KCTD16: variants seen among roughly 807,000 people sequenced by gnomAD.
KCTD16 encodes potassium channel tetramerization domain containing 16.
In KCTD16, 13 loss-of-function variants were observed where a neutral mutation model predicts 33.2. The observed-to-expected ratio is 0.39, with a 90% CI of 0.25 to 0.62. The LOEUF is 0.62. Among genes scored for constraint, KCTD16 ranks in the 20% least tolerant of loss-of-function variants. KCTD16 has a pLI of 0.50. For synonymous variants in KCTD16, 197 were observed against 195.3 expected, an observed-to-expected ratio of 1.01 and a Z score of -0.07; for missense variants, 441 against 525.1, an observed-to-expected ratio of 0.84 and a Z score of 1.57.
At chr5:144,188,919 A>G (rs1752784005) in intron 2 of KCTD16, among the ~76,000 whole-genome samples, 1 of 152,224 alleles carries the variant, frequency 6.6e-6, no homozygotes, top group Non-Finnish European at 1.5e-5. Context: ...GAGATAAAAG[A>G]TCAACTATAC....
chr5:144,388,166 G>A (rs541567303), intron 3 of KCTD16, among the ~76,000 whole-genome samples: 4 of 130,838 alleles, frequency 3.1e-5, no homozygotes, highest in Admixed American at 2.8e-4. Context: ...TGCAAGCTCC[G>A]CCTCCCGGGT....
At chr5:144,400,248 A>G (rs1026533150) in intron 3 of KCTD16, among the ~76,000 whole-genome samples, 20 of 152,206 alleles carry the variant, frequency 1.3e-4, no homozygotes, top group African/African-American at 4.3e-4. Context: ...TCCCTAAGAA[A>G]TGCCCACATA....
chr5:144,218,505 C>T (rs915180105), intron 3 of KCTD16, among the ~76,000 whole-genome samples: 5 of 152,088 alleles, frequency 3.3e-5, no homozygotes, highest in African/African-American at 1.2e-4. Context: ...GGTAGCTGTG[C>T]AAATGATATT....
chr5:144,433,869 G>A (rs1351511857), intron 3 of KCTD16, among the ~76,000 whole-genome samples: 1 of 152,110 alleles, frequency 6.6e-6, no homozygotes, highest in Non-Finnish European at 1.5e-5. Context: ...TTTTGTTGTT[G>A]TTATAGTCAC....
rs1753864993 is a variant in KCTD16 at position 144,224,394 on chromosome 5, T to TTG, written c.832+16849_832+16850insGT. Among the ~76,000 whole-genome samples, 3 of 149,708 alleles carry TTG rather than the reference T, an allele frequency of 2.0e-5. No homozygotes were observed. In the South Asian group the frequency reaches 6.4e-4, roughly 32 times the overall value. ...GATCAATATAATGTGTTTTTTTTTT[T>TTG]TTTTTTTTTTCCTCCAAAGGGCTCA... On this transcript the variant is annotated intron_variant, in intron 3 of 3. Transcript: ENST00000512467.
intron 3 of KCTD16, among the ~76,000 whole-genome samples, chr5:144,282,682 G>A (rs1755638963): frequency 6.6e-6 from 1 of 152,106 alleles, no homozygotes; most frequent in Non-Finnish European, 1.5e-5. Flanking sequence ...AAAGCACTTT[G>A]GTTTTTCCTA....
chr5:144,336,944 G>T (rs1752507845), intron 3 of KCTD16, among the ~76,000 whole-genome samples: 1 of 151,622 alleles, frequency 6.6e-6, no homozygotes, highest in Non-Finnish European at 1.5e-5. Flanking sequence ...GTGGATGGGT[G>T]TCAGTGTTCA....
At chr5:144,324,349 T>A (rs1225724713) in intron 3 of KCTD16, among the ~76,000 whole-genome samples, 1 of 152,106 alleles carries the variant, frequency 6.6e-6, no homozygotes, top group African/African-American at 2.4e-5. Context: ...AGGCTTTAGT[T>A]TTTCAGAAAC....
At chr5:144,407,946 G>GAT (rs1228248654) in intron 3 of KCTD16, among the ~76,000 whole-genome samples, 1 of 152,152 alleles carries the variant, frequency 6.6e-6, no homozygotes, top group Non-Finnish European at 1.5e-5. Context: ...GTCTATCATT[G>GAT]ATAGGCATTT....
At chr5:144,284,239 G>A (rs1480992104) in intron 3 of KCTD16, among the ~76,000 whole-genome samples, 2 of 152,196 alleles carry the variant, frequency 1.3e-5, no homozygotes, top group Admixed American at 6.5e-5. Context: ...GGATTCTGCT[G>A]TTGCAAATAG....
At chr5:144,415,920 A>G (rs1286558434) in intron 3 of KCTD16, among the ~76,000 whole-genome samples, 2 of 152,160 alleles carry the variant, frequency 1.3e-5, no homozygotes, top group African/African-American at 2.4e-5. Flanking sequence ...GTGATGCAAA[A>G]TGATTGGGTG....
chr5:144,425,629 T>G lies in KCTD16; in HGVS notation c.833-48031T>G, dbSNP rs80157337. Among the ~76,000 whole-genome samples the G allele has an allele frequency of 2.3e-3, 349 of 152,058 alleles. 1 individual carries two copies. The highest frequency in any genetic ancestry group is 8.1e-3 in the African/African-American group (334 of 41,482). On this transcript the variant is annotated intron_variant, in intron 3 of 3. Transcript: ENST00000512467. ...GTAAGACTGAAGAATTAGCACCACA[T>G]GGATGTTGCCAAGACTTATGGCTTC...
chr5:144,214,235 C>T (rs554371500), intron 3 of KCTD16, among the ~76,000 whole-genome samples: 66 of 152,286 alleles, frequency 4.3e-4, no homozygotes, highest in Middle Eastern at 3.4e-3. Context: ...GGTCCGTCCT[C>T]TTCTTTCCAT....
Position 144,199,505 on chromosome 5 carries a change from A to G in KCTD16, c.-326-6884A>G, listed in dbSNP as rs574277792. ...AGTGCATGTGGATTTAGTAAAACCA[A>G]TTATATGAGAATCGTGCAGCTAATT... On this transcript the variant is annotated intron_variant, in intron 2 of 3. Transcript: ENST00000512467. Among the ~76,000 whole-genome samples the G allele has an allele frequency of 1.1e-4, 16 of 152,286 alleles. No homozygotes were observed. In the South Asian group the frequency reaches 2.5e-3, roughly 24 times the overall value.
At chr5:144,304,562 G>A (rs1751539351) in intron 3 of KCTD16, among the ~76,000 whole-genome samples, 1 of 152,128 alleles carries the variant, frequency 6.6e-6, no homozygotes, top group Non-Finnish European at 1.5e-5. Context: ...TTCATTGAGG[G>A]TATAAAGCAG....
chr5:144,434,871 T>G (rs1398812799), intron 3 of KCTD16, among the ~76,000 whole-genome samples: 4 of 152,170 alleles, frequency 2.6e-5, no homozygotes, highest in Non-Finnish European at 5.9e-5. Flanking sequence ...GGTCTTAATA[T>G]GAATGCTTAT....
intron 3 of KCTD16, among the ~76,000 whole-genome samples, chr5:144,362,461 A>C (rs1015697796): frequency 9.2e-5 from 14 of 152,134 alleles, no homozygotes; most frequent in Admixed American, 6.6e-4. Context: ...TAAGAGTGGT[A>C]GAGTGGGGTG....
intron 3 of KCTD16, among the ~76,000 whole-genome samples, chr5:144,298,093 C>G (rs1018897927): frequency 1.3e-5 from 2 of 152,156 alleles, no homozygotes; most frequent in African/African-American, 2.4e-5. Context: ...GCTAAGTGCC[C>G]GGGTTCATCC....
At chr5:144,389,210 T>C (rs1752396989) in intron 3 of KCTD16, among the ~76,000 whole-genome samples, 1 of 152,092 alleles carries the variant, frequency 6.6e-6, no homozygotes, top group Non-Finnish European at 1.5e-5. Flanking sequence ...AGGGCAGGGG[T>C]CCCCAACCCC....
Sources: allele counts gnomAD v4.1 joint callset (sites outside exome capture counted in the v4.1 genomes callset), GRCh38; gene constraint gnomAD v4.1.1; transcripts MANE v1.5; gene names NCBI Gene and HGNC (gene_info 2026-07-23, HGNC 2026-07-21).